Variants in PALM2AKAP2 observed in about 807,000 individuals in gnomAD.
The protein encoded by PALM2AKAP2 is PALM2 and AKAP2 fusion, also known as PALM2-AKAP2 fusion protein.
A neutral mutation model predicts 71.5 loss-of-function variants in PALM2AKAP2; 37 were observed. The ratio of observed to expected loss-of-function variants is 0.52; its 90% CI spans 0.40 to 0.68. The LOEUF is 0.68. Ranked by LOEUF, PALM2AKAP2 falls within the 30% of genes least tolerant of loss-of-function variation. The pLI is 0.00. For missense variants in PALM2AKAP2, 1,224 were observed against 1,191.8 expected (o/e 1.03, Z -0.40); for synonymous variants, 468 against 478.8 (o/e 0.98, Z 0.29).
intron 7 of PALM2AKAP2, among the ~76,000 whole-genome samples, chr9:110,031,321 G>A (rs908009154): frequency 6.6e-6 from 1 of 152,116 alleles, no homozygotes. Flanking sequence ...GTAGAGACAG[G>A]GTTTCACCAT....
intron 1 of PALM2AKAP2, among the ~76,000 whole-genome samples, chr9:109,809,121 A>G (rs1827659622): frequency 6.6e-6 from 1 of 152,218 alleles, no homozygotes; most frequent in Non-Finnish European, 1.5e-5. Context: ...TAGCCTCCAC[A>G]CAGTGTCCCC....
At chr9:109,963,501 C>G (rs1255786571) in intron 6 of PALM2AKAP2, among the ~76,000 whole-genome samples, 4 of 152,202 alleles carry the variant, frequency 2.6e-5, no homozygotes, top group Non-Finnish European at 5.9e-5. Flanking sequence ...GAGGTGGGAA[C>G]TAGCTAGAGT....
At chr9:109,964,242 G>C (rs1187092783) in intron 6 of PALM2AKAP2, among the ~76,000 whole-genome samples, 2 of 152,268 alleles carry the variant, frequency 1.3e-5, no homozygotes, top group Non-Finnish European at 2.9e-5. Context: ...TTACACCAGA[G>C]CTGTGTCTCT....
chr9:109,931,964 G>C (rs1831112844), exon 6 of PALM2AKAP2: 2 of 1,614,036 alleles, frequency 1.2e-6, no homozygotes, highest in Non-Finnish European at 8.5e-7. Context: ...TTCCCGACCT[G>C]CCAATCCTCT....
chr9:109,961,393 G>C (rs1251219193), intron 6 of PALM2AKAP2, among the ~76,000 whole-genome samples: 1 of 152,174 alleles, frequency 6.6e-6, no homozygotes, highest in African/African-American at 2.4e-5. Flanking sequence ...CATGGTATGG[G>C]GTAGATATTT....
At chr9:109,727,874 G>T (rs1326415806) in intron 1 of PALM2AKAP2, among the ~76,000 whole-genome samples, 1 of 152,146 alleles carries the variant, frequency 6.6e-6, no homozygotes, top group Non-Finnish European at 1.5e-5. Flanking sequence ...TTCCATTGTT[G>T]TTCTAACTAA....
chr9:110,141,586 T>C (rs1197420884), intron 2 of PALM2AKAP2, among the ~76,000 whole-genome samples: 3 of 152,214 alleles, frequency 2.0e-5, no homozygotes, highest in Non-Finnish European at 1.5e-5. Context: ...CACGTGACTC[T>C]GAGCAGCCAA....
intron 1 of PALM2AKAP2, among the ~76,000 whole-genome samples, chr9:109,854,704 T>A (rs1829107710): frequency 6.6e-6 from 1 of 151,270 alleles, no homozygotes; most frequent in Non-Finnish European, 1.5e-5. Context: ...ATTTACTTTT[T>A]ATAAAAATGA....
At chr9:110,113,828 C>T (rs865827218) in intron 1 of PALM2AKAP2, among the ~76,000 whole-genome samples, 2 of 152,162 alleles carry the variant, frequency 1.3e-5, no homozygotes, top group Non-Finnish European at 2.9e-5. Context: ...CCACCATACC[C>T]GGCCCTGTCT....
At chr9:110,053,725 G>T (rs572374634) in intron 1 of PALM2AKAP2, among the ~76,000 whole-genome samples, 1 of 152,194 alleles carries the variant, frequency 6.6e-6, no homozygotes, top group African/African-American at 2.4e-5. Flanking sequence ...ATATGAAGAT[G>T]AGATGATGTA....
chr9:109,670,881 C>A (rs756750495), intron 1 of PALM2AKAP2, among the ~76,000 whole-genome samples: 5 of 152,094 alleles, frequency 3.3e-5, no homozygotes, highest in African/African-American at 4.8e-5. Flanking sequence ...TGATGTTGAG[C>A]CTTTTTCATA....
intron 7 of PALM2AKAP2, among the ~76,000 whole-genome samples, chr9:110,019,096 G>A (rs1301598399): frequency 2.6e-5 from 4 of 151,854 alleles, no homozygotes; most frequent in East Asian, 1.9e-4. Flanking sequence ...AAAATTAGCC[G>A]GGTGTGATGG....
intron 1 of PALM2AKAP2, among the ~76,000 whole-genome samples, chr9:110,087,128 T>C (rs1339091637): frequency 6.6e-6 from 1 of 152,218 alleles, no homozygotes; most frequent in Non-Finnish European, 1.5e-5. Flanking sequence ...CTCTCCACCA[T>C]GCTGGTCCTT....
chr9:109,835,299 G>A lies in PALM2AKAP2; in HGVS notation c.46-32192G>A, dbSNP rs551329539. On this transcript the variant is annotated intron_variant, in intron 1 of 9. Coordinates refer to the PALM2AKAP2 transcript ENST00000302798. ...TGGAGAGGTAGAGGGGAGGGTGGGGGAAAGAGGGGAGGGTGGAGAGATGGA... is the reference window on the plus strand; with the variant it reads ...TGGAGAGGTAGAGGGGAGGGTGGGGAAAAGAGGGGAGGGTGGAGAGATGGA... Among the ~76,000 whole-genome samples the A allele has an allele frequency of 5.8e-4, 76 of 131,002 alleles. 2 individuals carry two copies. The East Asian group carries it at 0.02, about 34-fold the overall frequency. 85.9% of individuals were successfully genotyped at this position (131,002 alleles called of 152,430 possible). A position where few individuals can be genotyped will look rare whatever the true frequency, so the allele number is the denominator to read the frequency against.
intron 1 of PALM2AKAP2, among the ~76,000 whole-genome samples, chr9:109,838,842 T>C (rs1021910983): frequency 2.0e-5 from 3 of 152,152 alleles, no homozygotes; most frequent in African/African-American, 7.2e-5. Flanking sequence ...CAGGAAGAAG[T>C]TGAATCCCTG....
At chr9:109,765,638 C>T (rs906446589) in intron 1 of PALM2AKAP2, 5 of 152,222 alleles carry the variant, frequency 3.3e-5, no homozygotes, top group African/African-American at 1.2e-4. Flanking sequence ...TAGAGCAACC[C>T]GCCTTTAAAA....
At chr9:109,666,549 G>A (rs1827488754) in intron 1 of PALM2AKAP2, among the ~76,000 whole-genome samples, 3 of 152,190 alleles carry the variant, frequency 2.0e-5, no homozygotes, top group African/African-American at 7.2e-5. Context: ...TTTCACATTT[G>A]TTGATTGTAG....
chr9:109,930,445 C>T (rs956498139), intron 5 of PALM2AKAP2, among the ~76,000 whole-genome samples: 1 of 152,130 alleles, frequency 6.6e-6, no homozygotes, highest in African/African-American at 2.4e-5. Flanking sequence ...AGGCTGGTCT[C>T]GAGCTCCTGA....
At chr9:109,966,168 G>A (rs140564245) in intron 6 of PALM2AKAP2, among the ~76,000 whole-genome samples, 3 of 152,084 alleles carry the variant, frequency 2.0e-5, no homozygotes, top group Non-Finnish European at 2.9e-5. Flanking sequence ...GATCAGTGTC[G>A]GCAGAAAGAT....
Sources: allele counts gnomAD v4.1 joint callset (sites outside exome capture counted in the v4.1 genomes callset), GRCh38; gene constraint gnomAD v4.1.1; transcripts MANE v1.5; gene names NCBI Gene and HGNC (gene_info 2026-07-23, HGNC 2026-07-21).